The following ANKRD33B variants were observed in gnomAD, a reference collection of about 807,000 sequenced individuals.
The protein encoded by ANKRD33B is ankyrin repeat domain-containing protein 33B.
A neutral mutation model predicts 21.5 loss-of-function variants in ANKRD33B; 6 were observed. The ratio of observed to expected loss-of-function variants is 0.28; its 90% CI spans 0.15 to 0.55. ANKRD33B has a LOEUF of 0.55. Among genes scored for constraint, ANKRD33B ranks in the 20% least tolerant of loss-of-function variants. ANKRD33B has a pLI of 0.94. For synonymous variants in ANKRD33B, 347 were observed against 342.4 expected, an observed-to-expected ratio of 1.01 and a Z score of -0.15; for missense variants, 698 against 747.2, an observed-to-expected ratio of 0.93 and a Z score of 0.77.
intron 3 of ANKRD33B, among the ~76,000 whole-genome samples, chr5:10,643,193 G>A (rs746200588): frequency 5.3e-5 from 8 of 152,022 alleles, no homozygotes; most frequent in Non-Finnish European, 8.8e-5. Context: ...GTGAGCCACC[G>A]CACCTGGCCA....
chr5:10,564,545 G>C lies in ANKRD33B; in HGVS notation c.78G>C (p.Arg26=), dbSNP rs982870411. 1 of 1,533,312 alleles carries C rather than the reference G, an allele frequency of 6.5e-7. No homozygotes were observed. Among genetic ancestry groups the C allele is most frequent in the Non-Finnish European group, 8.7e-7 (1 of 1,146,228 alleles). 95.0% of individuals were successfully genotyped at this position (1,533,312 alleles called of 1,614,324 possible). ...CCCCACCACCGCCGTCCCCACCCCG[G>C]GGCGCGCAGGTCGAGGAGGACCCCG... ...CMTPPPPSPP[R]GAQVEEDPAD... The change falls in exon 1 of 4, where the codon CGG becomes CGC. Residue 26 remains arginine, a synonymous_variant. Transcript: ENST00000296657.
intron 2 of ANKRD33B, among the ~76,000 whole-genome samples, chr5:10,623,993 G>GA (rs1204417626): frequency 6.6e-6 from 1 of 152,200 alleles, no homozygotes; most frequent in Non-Finnish European, 1.5e-5. Flanking sequence ...CCTCTCTTCA[G>GA]TCTGCTCTCT....
chr5:10,597,471 C>T (rs573894214), intron 1 of ANKRD33B, among the ~76,000 whole-genome samples: 4 of 152,112 alleles, frequency 2.6e-5, no homozygotes, highest in Admixed American at 6.5e-5. Flanking sequence ...GTAAAGGAGT[C>T]GATTCAACAA....
chr5:10,625,426 A>G (rs1163289425), intron 2 of ANKRD33B, among the ~76,000 whole-genome samples: 1 of 152,162 alleles, frequency 6.6e-6, no homozygotes, highest in Non-Finnish European at 1.5e-5. Context: ...TGCGCTTTGT[A>G]TTCACATGAC....
intron 1 of ANKRD33B, among the ~76,000 whole-genome samples, chr5:10,608,374 A>G (rs918562247): frequency 1.3e-5 from 2 of 150,880 alleles, no homozygotes; most frequent in African/African-American, 2.4e-5. Context: ...AAAAAAAAAA[A>G]GAGCCGTGGT....
chr5:10,598,830 A>G (rs1477142130), intron 1 of ANKRD33B, among the ~76,000 whole-genome samples: 5 of 152,212 alleles, frequency 3.3e-5, no homozygotes, highest in Admixed American at 6.5e-5. Flanking sequence ...AGGCAGGTGA[A>G]TCACTTGAGC....
Position 10,603,700 on chromosome 5 carries a change from G to T in ANKRD33B, c.367-14633G>T, listed in dbSNP as rs569793993. Among the ~76,000 whole-genome samples, 3 of 151,996 alleles carry T rather than the reference G, an allele frequency of 2.0e-5. No individual in the cohort carries two copies. In the East Asian group the frequency reaches 5.8e-4, roughly 29 times the overall value. On this transcript the variant is annotated intron_variant, in intron 1 of 3. Coordinates refer to ENST00000296657, the MANE Select transcript of ANKRD33B (RefSeq NM_001164440.2). ...TGAAGGCTTAGTGCATTTCTCTCTT[G>T]TTTTTTGTCATGCAGTGTTAATAGA... is the stretch of plus-strand genomic sequence containing the variant.
chr5:10,564,446 G>A lies in ANKRD33B; in HGVS notation c.-22G>A. On this transcript the variant is annotated 5_prime_UTR_variant, in exon 1 of 4. Coordinates refer to ENST00000296657, the MANE Select transcript of ANKRD33B (RefSeq NM_001164440.2). ...TCTTCCTGCCCGCGCCCCGGCCCCC[G>A]GCCCGCGCCCCGGCCGCCGGCATGG... The A allele has an allele frequency of 1.9e-6, 2 of 1,067,786 alleles. No homozygotes were observed. The highest frequency in any genetic ancestry group is 2.3e-6 in the Non-Finnish European group (2 of 885,624). The allele number at this position is 1,067,786 out of a possible 1,614,324, so 66.1% of individuals were successfully genotyped here.
chr5:10,611,206 A>AG, intron 1 of ANKRD33B, among the ~76,000 whole-genome samples: 1 of 152,200 alleles, frequency 6.6e-6, no homozygotes, highest in Non-Finnish European at 1.5e-5. Flanking sequence ...CTTTTTCTGT[A>AG]ATGTTGATTC....
chr5:10,644,361 T>C (rs1159134832), intron 3 of ANKRD33B, among the ~76,000 whole-genome samples: 1 of 152,188 alleles, frequency 6.6e-6, no homozygotes, highest in Non-Finnish European at 1.5e-5. Context: ...GACAGGTCTA[T>C]TTAAATAGGT....
At position 10,619,827 on chromosome 5, in the gene ANKRD33B, C is replaced by T. The variant is rs1362508331; in HGVS notation, c.496+1365C>T. ...GCAGCCCCGTCCTTGAGTAATTCTG[C>T]AGCTCATGGGACAGAGAAACACACG... On this transcript the variant is annotated intron_variant, in intron 2 of 3. Transcript: ENST00000296657. The surrounding 1 kb of genome is among the most constrained non-coding windows in gnomAD (Gnocchi z 4.5). Among the ~76,000 whole-genome samples the T allele has an allele frequency of 6.6e-6, 1 of 152,170 alleles. No individual in the cohort carries two copies. Among genetic ancestry groups the T allele is most frequent in the African/African-American group, 2.4e-5 (1 of 41,440 alleles).
chr5:10,619,345 C>T lies in ANKRD33B; in HGVS notation c.496+883C>T, dbSNP rs1736361229. 2.0e-6 allele frequency: 2 copies of T among 985,262 alleles called. No homozygotes were observed. The highest frequency in any genetic ancestry group is 2.4e-6 in the Non-Finnish European group (2 of 829,930). 61.0% of individuals were successfully genotyped at this position (985,262 alleles called of 1,614,324 possible). Reference sequence around the variant, plus strand: ...GGGTTGTTGAGAATCCCACTCAGGGCCTGGAAACTGGAGGAAGTGCCCCCG... The same window carrying T: ...GGGTTGTTGAGAATCCCACTCAGGGTCTGGAAACTGGAGGAAGTGCCCCCG... On this transcript the variant is annotated intron_variant, in intron 2 of 3. Transcript: ENST00000296657. This position sits in a 1 kb window ranked among gnomAD's most constrained non-coding sequence, Gnocchi z 4.5.
In ANKRD33B at chr5:10,604,138, C is replaced by T. The variant is rs1439867889; in HGVS notation, c.367-14195C>T. Among the ~76,000 whole-genome samples, 4 of 150,654 alleles carry T rather than the reference C, an allele frequency of 2.7e-5. No homozygotes were observed. In the Middle Eastern group the frequency reaches 0.01, roughly 395 times the overall value. ...CAAACTCCTGACCTTGTGATCCACC[C>T]GCCTTGGCCTCCCAGAGTGCTGGGA... On this transcript the variant is annotated intron_variant, in intron 1 of 3. Coordinates refer to ENST00000296657, the MANE Select transcript of ANKRD33B (RefSeq NM_001164440.2).
intron 1 of ANKRD33B, among the ~76,000 whole-genome samples, chr5:10,609,532 C>T (rs1236976523): frequency 6.6e-6 from 1 of 152,018 alleles, no homozygotes; most frequent in Non-Finnish European, 1.5e-5. Flanking sequence ...CAGACCAAGA[C>T]CTGTCTCCAA....
chr5:10,651,540 A>G lies in ANKRD33B; in HGVS notation c.*1427A>G, dbSNP rs1177365126. ...GGCAGGGTATGAAAGCTGGAAACTC[A>G]GGCTGGAGTTTCTAGTTCTAATGGC... On this transcript the variant is annotated 3_prime_UTR_variant, in exon 4 of 4. Transcript: ENST00000296657. 1.3e-5 allele frequency: 2 copies of G among 152,364 alleles called. No homozygotes were observed. The highest frequency in any genetic ancestry group is 2.9e-5 in the Non-Finnish European group (2 of 68,026). 9.4% of individuals were successfully genotyped at this position (152,364 alleles called of 1,614,324 possible). A position where few individuals can be genotyped will look rare whatever the true frequency, so the allele number is the denominator to read the frequency against.
chr5:10,596,177 T>C (rs2126565031), intron 1 of ANKRD33B, among the ~76,000 whole-genome samples: 1 of 152,332 alleles, frequency 6.6e-6, no homozygotes, highest in African/African-American at 2.4e-5. Context: ...ACTTTTAGTT[T>C]AAGTTCTGAG....
chr5:10,581,139 G>A (rs1735435525), intron 1 of ANKRD33B, among the ~76,000 whole-genome samples: 1 of 152,178 alleles, frequency 6.6e-6, no homozygotes, highest in African/African-American at 2.4e-5. Flanking sequence ...TCTGTGCCTG[G>A]GGCCTGGTCC....
chr5:10,583,408 G>T (rs1258375766), intron 1 of ANKRD33B, among the ~76,000 whole-genome samples: 7 of 152,204 alleles, frequency 4.6e-5, no homozygotes, highest in Non-Finnish European at 1.0e-4. Flanking sequence ...TGGACATTTT[G>T]GTTCTAATAA....
At chr5:10,628,901 G>C (rs1442151998) in intron 2 of ANKRD33B, among the ~76,000 whole-genome samples, 1 of 152,176 alleles carries the variant, frequency 6.6e-6, no homozygotes, top group Non-Finnish European at 1.5e-5. Flanking sequence ...CAAGTAAAAA[G>C]AGGAGGCAGA....
Sources: gnomAD v4.1 joint callset for allele counts (sites outside exome capture counted in the v4.1 genomes callset) on GRCh38, gnomAD v4.1.1 for gene constraint, Gnocchi (gnomAD v3.1) non-coding constraint, MANE v1.5 for transcripts, NCBI Gene and HGNC (gene_info 2026-07-23, HGNC 2026-07-21) for gene names.